SV2C: variants seen among roughly 807,000 people sequenced by gnomAD.
The protein encoded by SV2C is synaptic vesicle glycoprotein 2C.
In SV2C, 49 loss-of-function variants were observed where a neutral mutation model predicts 79.7. The observed-to-expected ratio is 0.61, with a 90% CI of 0.49 to 0.78. The LOEUF is 0.78. Among genes scored for constraint, SV2C ranks in the 30% least tolerant of loss-of-function variants. SV2C has a pLI of 0.00. For synonymous variants in SV2C, 334 were observed against 333.2 expected (o/e 1.00, Z -0.03); for missense variants, 833 against 912.9 (o/e 0.91, Z 1.13).
At chr5:76,112,500 G>A (rs1051881546) in intron 1 of SV2C, among the ~76,000 whole-genome samples, 4 of 152,146 alleles carry the variant, frequency 2.6e-5, no homozygotes, top group Non-Finnish European at 4.4e-5. Flanking sequence ...CAAGGGGATG[G>A]GGGGGAGGAC....
chr5:76,139,627 T>G (rs1749185921), intron 2 of SV2C, among the ~76,000 whole-genome samples: 1 of 152,182 alleles, frequency 6.6e-6, no homozygotes, highest in South Asian at 2.1e-4. Flanking sequence ...AAACCAGTCT[T>G]GCATCCTGGG....
Position 76,230,217 on chromosome 5 carries a change from T to C in SV2C, c.913+20330T>C, listed in dbSNP as rs560428999. The stretch of plus-strand genomic sequence containing the variant: ...AAGACACAAATTTATCTTGCAAGGA[T>C]TTACTCACATTCAAATCCACAATTA... On this transcript the variant is annotated intron_variant, in intron 4 of 12. Coordinates refer to ENST00000502798, the MANE Select transcript of SV2C (RefSeq NM_014979.4). Among the ~76,000 whole-genome samples, 4 of 152,350 alleles carry C rather than the reference T, an allele frequency of 2.6e-5. No homozygotes were observed. The South Asian group carries it at 8.3e-4, about 32-fold the overall frequency.
chr5:76,033,209 C>A, the SV2C span, among the ~76,000 whole-genome samples: 1 of 151,968 alleles, frequency 6.6e-6, no homozygotes, highest in Non-Finnish European at 1.5e-5. Flanking sequence ...CCTGTTCACT[C>A]TGATGGTAGT....
chr5:76,146,979 T>C (rs1408652296), intron 2 of SV2C, among the ~76,000 whole-genome samples: 1 of 152,034 alleles, frequency 6.6e-6, no homozygotes, highest in Non-Finnish European at 1.5e-5. Flanking sequence ...TTATCTAGAA[T>C]AGGCAAACTC....
chr5:76,068,271 A>G, the SV2C span, among the ~76,000 whole-genome samples: 2 of 152,190 alleles, frequency 1.3e-5, no homozygotes, highest in Admixed American at 6.5e-5. Flanking sequence ...GTGAAATTTT[A>G]AGAATTAACA....
intron 4 of SV2C, among the ~76,000 whole-genome samples, chr5:76,283,902 A>G (rs777563959): frequency 1.6e-4 from 24 of 152,236 alleles, no homozygotes; most frequent in Admixed American, 3.9e-4. Context: ...TGAGGAAGTT[A>G]CATCACCTTC....
At chr5:75,993,878 C>A in the SV2C span, among the ~76,000 whole-genome samples, 2 of 152,060 alleles carry the variant, frequency 1.3e-5, no homozygotes, top group Non-Finnish European at 2.9e-5. Flanking sequence ...TCAGGCACAT[C>A]TTTCCTGGGC....
chr5:75,878,588 A>G, the SV2C span, among the ~76,000 whole-genome samples: 1 of 152,140 alleles, frequency 6.6e-6, no homozygotes. Context: ...ACCCCAGCTC[A>G]TACCCTTTAC....
chr5:76,205,171 G>A (rs1580352427), intron 3 of SV2C, among the ~76,000 whole-genome samples: 2 of 149,842 alleles, frequency 1.3e-5, no homozygotes, highest in Non-Finnish European at 2.9e-5. Context: ...GTGTGTGTAT[G>A]TGTGTGTGTG....
the SV2C span, among the ~76,000 whole-genome samples, chr5:76,071,434 G>A: frequency 1.3e-5 from 2 of 152,202 alleles, no homozygotes; most frequent in Admixed American, 1.3e-4. Flanking sequence ...ATGGCTAATA[G>A]AGTACCCAGA....
chr5:76,029,913 A>G, the SV2C span, among the ~76,000 whole-genome samples: 1 of 152,158 alleles, frequency 6.6e-6, no homozygotes, highest in Non-Finnish European at 1.5e-5. Flanking sequence ...CTGTAATCAG[A>G]GCAAGTTCTT....
chr5:76,142,310 A>C (rs1749279422), intron 2 of SV2C, among the ~76,000 whole-genome samples: 1 of 152,252 alleles, frequency 6.6e-6, no homozygotes, highest in Non-Finnish European at 1.5e-5. Flanking sequence ...GAGTTTTTCC[A>C]ATTAAAAATT....
the SV2C span, among the ~76,000 whole-genome samples, chr5:76,041,196 C>A: frequency 6.6e-6 from 1 of 152,142 alleles, no homozygotes; most frequent in Non-Finnish European, 1.5e-5. Flanking sequence ...ATCAAGCTAA[C>A]CAACGATAGA....
At chr5:75,914,914 T>C in the SV2C span, among the ~76,000 whole-genome samples, 2 of 152,298 alleles carry the variant, frequency 1.3e-5, no homozygotes, top group South Asian at 4.1e-4. Context: ...CAGTTCCACA[T>C]AGCTGAGGAG....
chr5:75,894,214 A>G, the SV2C span, among the ~76,000 whole-genome samples: 3 of 152,072 alleles, frequency 2.0e-5, no homozygotes, highest in Non-Finnish European at 4.4e-5. Context: ...AGAATGTCAG[A>G]GTAAGGACTT....
intron 1 of SV2C, among the ~76,000 whole-genome samples, chr5:76,100,101 A>G: frequency 6.6e-6 from 1 of 152,234 alleles, no homozygotes; most frequent in East Asian, 1.9e-4. Context: ...GTTAAATATT[A>G]GGATAATAGG....
At chr5:76,124,241 C>T (rs1398064963) in intron 1 of SV2C, among the ~76,000 whole-genome samples, 1 of 152,106 alleles carries the variant, frequency 6.6e-6, no homozygotes, top group East Asian at 1.9e-4. Context: ...ACTGAAACTC[C>T]GTATCCATCA....
intron 2 of SV2C, among the ~76,000 whole-genome samples, chr5:76,159,847 T>G (rs1002414554): frequency 6.6e-6 from 1 of 152,054 alleles, no homozygotes; most frequent in Non-Finnish European, 1.5e-5. Flanking sequence ...ATCTTTTTGA[T>G]GGGGGATACA....
intron 2 of SV2C, among the ~76,000 whole-genome samples, chr5:76,144,500 T>C (rs550731893): frequency 4.6e-5 from 7 of 152,236 alleles, no homozygotes; most frequent in Non-Finnish European, 1.0e-4. Context: ...TGCTAATTCC[T>C]CTTCCTTGAA....
Sources: gnomAD v4.1 joint callset for allele counts (sites outside exome capture counted in the v4.1 genomes callset) on GRCh38, gnomAD v4.1.1 for gene constraint, MANE v1.5 for transcripts, NCBI Gene and HGNC (gene_info 2026-07-23, HGNC 2026-07-21) for gene names.